SLC5A3: variants seen among roughly 807,000 people sequenced by gnomAD.
The protein encoded by SLC5A3 is sodium/myo-inositol cotransporter.
SLC5A3 carries 10 observed loss-of-function variants against 43.2 expected under a neutral mutation model. The ratio of observed to expected loss-of-function variants is 0.23; its 90% CI spans 0.14 to 0.39. SLC5A3 has a LOEUF of 0.39. Among genes scored for constraint, SLC5A3 ranks in the 10% least tolerant of loss-of-function variants. The pLI, the probability that SLC5A3 is intolerant of heterozygous loss-of-function variation, is 1.00. For missense variants in SLC5A3, 608 were observed against 893.4 expected, an observed-to-expected ratio of 0.68 and a Z score of 4.07; for synonymous variants, 349 against 322.0, an observed-to-expected ratio of 1.08 and a Z score of -0.90.
At chr21:34,087,326 T>C (rs913185631) in intron 1 of SLC5A3, among the ~76,000 whole-genome samples, 5 of 152,104 alleles carry the variant, frequency 3.3e-5, no homozygotes, top group African/African-American at 1.2e-4. Context: ...GATGGTAATA[T>C]AGGATATTGG....
chr21:34,093,955 C>T (rs1387072123), intron 1 of SLC5A3, among the ~76,000 whole-genome samples: 7 of 152,108 alleles, frequency 4.6e-5, no homozygotes, highest in Non-Finnish European at 7.4e-5. Flanking sequence ...GAAAACTTTT[C>T]TCCTCCTCCC....
rs567855907 is a variant in SLC5A3, at chr21:34,099,288, C to G, written c.*1933C>G. The G allele has an allele frequency of 1.7e-5, 17 of 1,000,194 alleles. No individual in the cohort carries two copies. The South Asian group carries it at 7.1e-4, about 41-fold the overall frequency. 62.0% of individuals were successfully genotyped at this position (1,000,194 alleles called of 1,614,324 possible). ...TTTGGAAGTTGAGGCTGCGACATGT[C>G]CAAGGTTATGAAGTCTCTTTTGGGA... On this transcript the variant is annotated 3_prime_UTR_variant, in exon 2 of 2. Coordinates refer to ENST00000381151, the MANE Select transcript of SLC5A3 (RefSeq NM_006933.7).
intron 1 of SLC5A3, among the ~76,000 whole-genome samples, chr21:34,082,720 A>G (rs548557912): frequency 1.3e-5 from 2 of 152,276 alleles, no homozygotes; most frequent in South Asian, 4.1e-4. Flanking sequence ...TATTACCTTG[A>G]CTAACCTTCT....
Position 34,104,022 on chromosome 21 carries a change from G to A in SLC5A3, c.*6667G>A. On this transcript the variant is annotated 3_prime_UTR_variant, in exon 2 of 2. Coordinates refer to ENST00000381151, the MANE Select transcript of SLC5A3 (RefSeq NM_006933.7). ...TTTTAGGAAATATTACCTCTTAACA[G>A]TGCCCCCCCAAACATGCAGAAAGTC... The A allele has an allele frequency of 1.0e-6, 1 of 1,000,112 alleles. No individual in the cohort carries two copies. The highest frequency in any genetic ancestry group is 1.2e-6 in the Non-Finnish European group (1 of 829,908). 62.0% of individuals were successfully genotyped at this position (1,000,112 alleles called of 1,614,324 possible).
chr21:34,099,754 C>G lies in SLC5A3; in HGVS notation c.*2399C>G. The G allele has an allele frequency of 4.1e-6, 4 of 970,958 alleles. No homozygotes were observed. Among genetic ancestry groups the G allele is most frequent in the Non-Finnish European group, 5.0e-6 (4 of 804,080 alleles). 60.1% of individuals were successfully genotyped at this position (970,958 alleles called of 1,614,324 possible). Reference sequence around the variant, plus strand: ...ATAGCAGTAGGTCAAGTTTAGAGTACTAAAGTCTGTAAATAAGGAATGACT... The same window carrying G: ...ATAGCAGTAGGTCAAGTTTAGAGTAGTAAAGTCTGTAAATAAGGAATGACT... On this transcript the variant is annotated 3_prime_UTR_variant, in exon 2 of 2. Coordinates refer to ENST00000381151, the MANE Select transcript of SLC5A3 (RefSeq NM_006933.7).
At chr21:34,086,989 C>CT (rs950751654) in intron 1 of SLC5A3, among the ~76,000 whole-genome samples, 1 of 152,150 alleles carries the variant, frequency 6.6e-6, no homozygotes, top group Non-Finnish European at 1.5e-5. Context: ...TCACTGCACA[C>CT]TAAGAGGTGG....
chr21:34,073,792 G>C, intron 1 of SLC5A3, 47 bp downstream of exon 1: 1 of 1,381,518 alleles, frequency 7.2e-7, no homozygotes, highest in Middle Eastern at 2.5e-4. Context: ...GGGCGCCCCC[G>C]CTGCCGCTAG....
At chr21:34,082,975 G>A (rs1989493099) in intron 1 of SLC5A3, among the ~76,000 whole-genome samples, 1 of 152,176 alleles carries the variant, frequency 6.6e-6, no homozygotes, top group African/African-American at 2.4e-5. Flanking sequence ...GCAAGTGAAA[G>A]CACAGACTTA....
Position 34,100,613 on chromosome 21 carries a change from A to C in SLC5A3, c.*3258A>C, listed in dbSNP as rs1237520756. ...CCATAGCTCTTAGGGATGATACCTC[A>C]AGAAATTAGCTGGGACCCATCACTC... On this transcript the variant is annotated 3_prime_UTR_variant, in exon 2 of 2. Coordinates refer to ENST00000381151, the MANE Select transcript of SLC5A3 (RefSeq NM_006933.7). 1 of 1,000,098 alleles carries C rather than the reference A, an allele frequency of 1.0e-6. No individual in the cohort carries two copies. Among genetic ancestry groups the C allele is most frequent in the African/African-American group, 1.7e-5 (1 of 57,236 alleles). 62.0% of individuals were successfully genotyped at this position (1,000,098 alleles called of 1,614,324 possible).
In SLC5A3 at chr21:34,086,906, C is replaced by T. The variant is rs149666260; in HGVS notation, c.-336-7957C>T. On this transcript the variant is annotated intron_variant, in intron 1 of 1. Transcript: ENST00000381151. ...TGAGCTGAAGGGAATTGTTGCTTGCCGGCACTGACCTGCTCTTTCAGCTGT... is the reference window on the plus strand; with the variant it reads ...TGAGCTGAAGGGAATTGTTGCTTGCTGGCACTGACCTGCTCTTTCAGCTGT... Among the ~76,000 whole-genome samples the T allele has an allele frequency of 1.2e-3, 187 of 152,214 alleles. 1 individual carries two copies. The highest frequency in any genetic ancestry group is 4.1e-3 in the African/African-American group (172 of 41,516).
intron 1 of SLC5A3, among the ~76,000 whole-genome samples, chr21:34,078,481 AT>A (rs898466122): frequency 3.3e-5 from 5 of 151,598 alleles, no homozygotes; most frequent in African/African-American, 9.7e-5. Context: ...TTTTGCACTA[AT>A]TTTTTTTCTT....
Position 34,101,539 on chromosome 21 carries a change from CCATT to C in SLC5A3, c.*4187_*4190del. 1.0e-6 allele frequency: 1 copy of C among 1,000,202 alleles called. No individual in the cohort carries two copies. The highest frequency in any genetic ancestry group is 1.7e-5 in the African/African-American group (1 of 57,354). The allele number at this position is 1,000,202 out of a possible 1,614,324, so 62.0% of individuals were successfully genotyped here. A position where few individuals can be genotyped will look rare whatever the true frequency, so the allele number is the denominator to read the frequency against. On this transcript the variant is annotated 3_prime_UTR_variant, in exon 2 of 2. Transcript: ENST00000381151. ...TTCTATATGTGTATATGCCCACTTA[CCATT>C]CAGAGAGACTGGTCTTTCTCTTTGT...
intron 1 of SLC5A3, among the ~76,000 whole-genome samples, chr21:34,089,238 G>A (rs1978558311): frequency 6.6e-6 from 1 of 151,866 alleles, no homozygotes; most frequent in Non-Finnish European, 1.5e-5. Context: ...GGCAGGTCTC[G>A]AACTCCTGGC....
chr21:34,100,010 A>G lies in SLC5A3; in HGVS notation c.*2655A>G, dbSNP rs1020372619. ...ACATGGACTGTCTTAAGCTAGCAAAATGTTCATACTTTACACTGACTAAAT... is the reference window on the plus strand; with the variant it reads ...ACATGGACTGTCTTAAGCTAGCAAAGTGTTCATACTTTACACTGACTAAAT... On this transcript the variant is annotated 3_prime_UTR_variant, in exon 2 of 2. Coordinates refer to ENST00000381151, the MANE Select transcript of SLC5A3 (RefSeq NM_006933.7). 2.7e-5 allele frequency: 22 copies of G among 800,590 alleles called. No homozygotes were observed. Among genetic ancestry groups the G allele is most frequent in the South Asian group, 5.8e-5 (1 of 17,304 alleles). The allele number at this position is 800,590 out of a possible 1,614,324, so 49.6% of individuals were successfully genotyped here. A position where few individuals can be genotyped will look rare whatever the true frequency, so the allele number is the denominator to read the frequency against.
At position 34,096,962 on chromosome 21, in the gene SLC5A3, C is replaced by T. The variant is rs145773467; in HGVS notation, c.1764C>T (p.Asn588=). 228 of 1,614,036 alleles carry T rather than the reference C, an allele frequency of 1.4e-4. No individual in the cohort carries two copies. The African/African-American group carries it at 2.5e-3, about 18-fold the overall frequency. The change falls in exon 2 of 2, where the codon AAC becomes AAT. Residue 588 remains asparagine, a synonymous_variant. Coordinates refer to ENST00000381151, the MANE Select transcript of SLC5A3 (RefSeq NM_006933.7). The surrounding 1 kb of genome is among the most constrained non-coding windows in gnomAD (Gnocchi z 5.9). The part of the protein sequence containing the change: ...NNETINHIIP[N]GKSEDSIKGL... ...AGACCATCAACCACATCATTCCCAA[C>T]GGGAAATCTGAAGACAGCATTAAGG...
Position 34,103,702 on chromosome 21 carries a change from A to G in SLC5A3, c.*6347A>G, listed in dbSNP as rs1979350785. On this transcript the variant is annotated 3_prime_UTR_variant, in exon 2 of 2. Transcript: ENST00000381151. ...GTCTCAGAGTTGCTATGAGCACTAC[A>G]GTATTGATAAGCCCAAGACAATGCG... The G allele has an allele frequency of 1.0e-6, 1 of 1,000,040 alleles. No homozygotes were observed. Among genetic ancestry groups the G allele is most frequent in the Non-Finnish European group, 1.2e-6 (1 of 829,960 alleles). 61.9% of individuals were successfully genotyped at this position (1,000,040 alleles called of 1,614,324 possible). A position where few individuals can be genotyped will look rare whatever the true frequency, so the allele number is the denominator to read the frequency against.
chr21:34,103,217 T>C lies in SLC5A3; in HGVS notation c.*5862T>C. ...ATGTGTTTGGATTAGTGCCTTCTGG[T>C]TACCAGTATTGACTCTGCTAGTTTG... On this transcript the variant is annotated 3_prime_UTR_variant, in exon 2 of 2. Coordinates refer to ENST00000381151, the MANE Select transcript of SLC5A3 (RefSeq NM_006933.7). 1 of 1,000,052 alleles carries C rather than the reference T, an allele frequency of 1.0e-6. No homozygotes were observed. Among genetic ancestry groups the C allele is most frequent in the Non-Finnish European group, 1.2e-6 (1 of 829,872 alleles). 61.9% of individuals were successfully genotyped at this position (1,000,052 alleles called of 1,614,324 possible).
chr21:34,097,332 A>G lies in SLC5A3; in HGVS notation c.2134A>G (p.Met712Val). ...LFAVCSLGIF[M>V]FVYFSL ...TGCTGTGTGTTCACTTGGAATTTTC[A>G]TGTTTGTTTATTTCTCCTTATGAAC... The change falls in exon 2 of 2, where the codon ATG becomes GTG. Residue 712 changes from methionine (M) to valine (V), a missense_variant. Physicochemically the swap from Met to Val is conservative, Grantham distance 21 (BLOSUM62 1). Around this residue, in one of 2 missense-constraint regions of SLC5A3, gnomAD observed 210 missense variants for 224.8 expected, o/e 0.93. Coordinates refer to ENST00000381151, the MANE Select transcript of SLC5A3 (RefSeq NM_006933.7). 3 of 1,605,758 alleles carry G rather than the reference A, an allele frequency of 1.9e-6. No homozygotes were observed. Among genetic ancestry groups the G allele is most frequent in the Non-Finnish European group, 2.6e-6 (3 of 1,176,220 alleles).
At chr21:34,088,315 T>G (rs1978502087) in intron 1 of SLC5A3, among the ~76,000 whole-genome samples, 1 of 152,234 alleles carries the variant, frequency 6.6e-6, no homozygotes, top group Non-Finnish European at 1.5e-5. Flanking sequence ...GCAGAAAGCG[T>G]TGAACTTGGA....
Sources: allele counts gnomAD v4.1 joint callset (sites outside exome capture counted in the v4.1 genomes callset), GRCh38; gene constraint gnomAD v4.1.1; regional missense constraint gnomAD v4.1.1; non-coding constraint Gnocchi (gnomAD v3.1); transcripts MANE v1.5; gene names NCBI Gene and HGNC (gene_info 2026-07-23, HGNC 2026-07-21).